Variants in CDH23 observed in about 807,000 individuals in gnomAD.
The protein encoded by CDH23 is cadherin-23.
Under a neutral mutation model 317.1 loss-of-function variants are expected in CDH23, and 189 were observed. That is an observed-to-expected ratio of 0.60 (90% CI 0.53 to 0.67). The LOEUF is 0.67. Ranked by LOEUF, CDH23 falls within the 30% of genes least tolerant of loss-of-function variation. CDH23 has a pLI of 0.00. For synonymous variants in CDH23, 1,839 were observed against 1,876.8 expected, an observed-to-expected ratio of 0.98 and a Z score of 0.52; for missense variants, 4,401 against 4,592.4, an observed-to-expected ratio of 0.96 and a Z score of 1.20.
chr10:71,432,302 G>C (rs890686994), intron 1 of CDH23, among the ~76,000 whole-genome samples: 12 of 150,336 alleles, frequency 8.0e-5, no homozygotes, highest in African/African-American at 2.9e-4. Flanking sequence ...GTGTGTGAGT[G>C]TGTGAATGTG....
At chr10:71,760,040 TATATAC>T (rs1564779714) in intron 38 of CDH23, among the ~76,000 whole-genome samples, 1,304 of 99,728 alleles carry the variant, frequency 0.013, 294 homozygotes, top group Non-Finnish European at 0.02. Context: ...CACACACACA[TATATAC>T]ACACACACAT....
intron 3 of CDH23, among the ~76,000 whole-genome samples, chr10:71,505,471 A>G (rs1169546349): frequency 1.3e-5 from 2 of 152,170 alleles, no homozygotes; most frequent in Non-Finnish European, 2.9e-5. Flanking sequence ...CATCTTCCAC[A>G]GTAACTCGGC....
At chr10:71,801,362 C>G (rs369239274) in intron 53 of CDH23, among the ~76,000 whole-genome samples, 3 of 151,932 alleles carry the variant, frequency 2.0e-5, no homozygotes, top group Non-Finnish European at 4.4e-5. Flanking sequence ...CCATGTTGGT[C>G]GGGCTGGTCT....
chr10:71,646,467 C>T lies in CDH23; in HGVS notation c.1299C>T (p.Ala433=), dbSNP rs1862864719. The part of the protein sequence containing the change: ...TVDRYDFDLF[A]NESVPDHVGY... ...CTGTTCTGCACCCCCAGCTCTTTGC[C>T]AATGAGAGTGTGCCTGACCATGTGG... is the stretch of plus-strand genomic sequence containing the variant. The change falls in exon 14 of 70, where the codon GCC becomes GCT. Residue 433 remains alanine, a synonymous_variant. Transcript: ENST00000224721. 6.2e-7 allele frequency: 1 copy of T among 1,613,452 alleles called. No individual in the cohort carries two copies. The highest frequency in any genetic ancestry group is 8.5e-7 in the Non-Finnish European group (1 of 1,179,746).
At position 71,765,310 on chromosome 10, in the gene CDH23, T is replaced by C. The variant is rs1364472570; in HGVS notation, c.4846-12370T>C. On this transcript the variant is annotated intron_variant, in intron 38 of 69. Coordinates refer to ENST00000224721, the MANE Select transcript of CDH23 (RefSeq NM_022124.6). The stretch of plus-strand genomic sequence containing the variant: ...AGTATTTACCACCAGCACACATACC[T>C]TGGGGGCTGGCCAAAGGGCTGGCTC... Among the ~76,000 whole-genome samples the C allele has an allele frequency of 3.9e-5, 6 of 152,294 alleles. No homozygotes were observed. The East Asian group carries it at 1.2e-3, about 29-fold the overall frequency.
intron 38 of CDH23, among the ~76,000 whole-genome samples, chr10:71,769,453 T>C (rs1215959571): frequency 1.3e-5 from 2 of 152,238 alleles, no homozygotes. Flanking sequence ...TTTAAAGATC[T>C]ACATACTCAA....
intron 6 of CDH23, among the ~76,000 whole-genome samples, chr10:71,529,433 C>T (rs143972815): frequency 6.6e-6 from 1 of 152,278 alleles, no homozygotes; most frequent in East Asian, 1.9e-4. Flanking sequence ...GCTCACTGCT[C>T]AGGAAGCTGC....
intron 3 of CDH23, among the ~76,000 whole-genome samples, chr10:71,448,562 C>T (rs907962944): frequency 6.6e-6 from 1 of 152,208 alleles, no homozygotes; most frequent in South Asian, 2.1e-4. Flanking sequence ...CTTCTTTTTG[C>T]ATCAGTATGG....
rs767161713 is a variant in CDH23, at chr10:71,777,774, C to T, written c.4940C>T (p.Pro1647Leu). The T allele has an allele frequency of 6.2e-7, 1 of 1,613,862 alleles. No individual in the cohort carries two copies. The highest frequency in any genetic ancestry group is 8.5e-7 in the Non-Finnish European group (1 of 1,179,856). ...PHYEVLLDEG[P>L]DTLNTSLITI... ...TATGAGGTGCTGCTGGATGAGGGCCCAGACACGCTCAACACCAGCCTCATC... is the reference window on the plus strand; with the variant it reads ...TATGAGGTGCTGCTGGATGAGGGCCTAGACACGCTCAACACCAGCCTCATC... Residue 1647 changes from proline to leucine, a missense_variant, in exon 39 of 70, where the codon CCA (proline) becomes CTA (leucine). This residue lies in a region of CDH23 where 3,068 missense variants were observed against 3,203.3 expected (regional missense o/e 0.96). Transcript: ENST00000224721.
rs1841870511 is a variant in CDH23 at position 71,810,014 on chromosome 10, G to A, written c.8917G>A (p.Glu2973Lys). Reference protein sequence around the residue: ...EIPDRVRGFEEEFIHLLSNIT... With the variant: ...EIPDRVRGFEKEFIHLLSNIT... ...CCCCGACCGTGTGCGCGGCTTCGAGGAGGAGTTCATCCACCTGCTCTCCAA... is the reference window on the plus strand; with the variant it reads ...CCCCGACCGTGTGCGCGGCTTCGAGAAGGAGTTCATCCACCTGCTCTCCAA... Residue 2973 changes from glutamate to lysine, a missense_variant, in exon 61 of 70, where the codon GAG becomes AAG. Coordinates refer to ENST00000224721, the MANE Select transcript of CDH23 (RefSeq NM_022124.6). 6.2e-7 allele frequency: 1 copy of A among 1,612,506 alleles called. No homozygotes were observed. Among genetic ancestry groups the A allele is most frequent in the African/African-American group, 1.3e-5 (1 of 74,914 alleles).
At chr10:71,433,466 G>T (rs1409615010) in intron 1 of CDH23, among the ~76,000 whole-genome samples, 1 of 152,106 alleles carries the variant, frequency 6.6e-6, no homozygotes, top group East Asian at 1.9e-4. Flanking sequence ...TCAGCTCAGG[G>T]GTTTGGGAGC....
chr10:71,475,794 T>C (rs963592449), intron 3 of CDH23, among the ~76,000 whole-genome samples: 1 of 152,180 alleles, frequency 6.6e-6, no homozygotes, highest in Non-Finnish European at 1.5e-5. Context: ...GGGCGGAGGC[T>C]GGAAGGCAGG....
chr10:71,530,941 C>A (rs1855340671), intron 6 of CDH23, among the ~76,000 whole-genome samples: 1 of 152,208 alleles, frequency 6.6e-6, no homozygotes, highest in Non-Finnish European at 1.5e-5. Flanking sequence ...CAGCAGACCT[C>A]AGAATATGCA....
intron 6 of CDH23, among the ~76,000 whole-genome samples, chr10:71,517,220 G>T (rs77975637): frequency 6.6e-6 from 1 of 152,214 alleles, no homozygotes; most frequent in Non-Finnish European, 1.5e-5. Flanking sequence ...TCCAGGGCTG[G>T]GTGAGGAGCG....
intron 3 of CDH23, among the ~76,000 whole-genome samples, chr10:71,481,843 G>A (rs957177563): frequency 7.2e-5 from 11 of 152,162 alleles, no homozygotes; most frequent in East Asian, 1.9e-4. Flanking sequence ...CCTGAGTCTC[G>A]CACTGTGTGG....
chr10:71,622,635 C>G (rs558963400), intron 11 of CDH23, among the ~76,000 whole-genome samples: 1 of 152,194 alleles, frequency 6.6e-6, no homozygotes, highest in Non-Finnish European at 1.5e-5. Flanking sequence ...CCCGCTGACC[C>G]AGATAGCTGA....
chr10:71,539,203 C>A (rs1375162575), intron 6 of CDH23, among the ~76,000 whole-genome samples: 2 of 152,172 alleles, frequency 1.3e-5, no homozygotes, highest in Non-Finnish European at 2.9e-5. Context: ...GCCCCTTTGC[C>A]CTTCCCCTGG....
intron 11 of CDH23, among the ~76,000 whole-genome samples, chr10:71,625,423 AAT>A (rs1861681867): frequency 1.4e-5 from 2 of 138,538 alleles, no homozygotes; most frequent in African/African-American, 5.2e-5. Context: ...AAAAAAAAAA[AAT>A]GACAAGGAGA....
chr10:71,741,595 T>C, intron 37 of CDH23, 99 bp from the exon 38 acceptor site: 1 of 959,166 alleles, frequency 1.0e-6, no homozygotes, highest in South Asian at 1.5e-5. Flanking sequence ...GCAAAGCTTT[T>C]GGGAGGTACA....
Sources: gnomAD v4.1 joint callset for allele counts (sites outside exome capture counted in the v4.1 genomes callset) on GRCh38, gnomAD v4.1.1 for gene constraint, gnomAD v4.1.1 regional missense constraint, MANE v1.5 for transcripts, NCBI Gene and HGNC (gene_info 2026-07-23, HGNC 2026-07-21) for gene names.